ADGRL2: variants seen among roughly 807,000 people sequenced by gnomAD.
ADGRL2 encodes the protein adhesion G protein-coupled receptor L2.
ADGRL2 carries 44 observed loss-of-function variants against 157.4 expected under a neutral mutation model. The ratio of observed to expected loss-of-function variants is 0.28; its 90% CI spans 0.22 to 0.36. The LOEUF (loss-of-function observed/expected upper bound fraction) is 0.36. Ranked by LOEUF, ADGRL2 falls within the 10% of genes least tolerant of loss-of-function variation. ADGRL2 has a pLI of 1.00. For missense variants in ADGRL2, 1,510 were observed against 1,768.9 expected (o/e 0.85, Z 2.63); for synonymous variants, 585 against 624.7 (o/e 0.94, Z 0.95).
intron 1 of ADGRL2, among the ~76,000 whole-genome samples, chr1:81,729,313 C>A (rs1287912408): frequency 6.6e-6 from 1 of 151,980 alleles, no homozygotes; most frequent in Non-Finnish European, 1.5e-5. Flanking sequence ...AAACAATTTT[C>A]TAAAGTTTAT....
intron 3 of ADGRL2, among the ~76,000 whole-genome samples, chr1:81,934,445 A>C (rs1015561288): frequency 6.6e-6 from 1 of 151,940 alleles, no homozygotes; most frequent in Non-Finnish European, 1.5e-5. Flanking sequence ...TGGTGGAAAA[A>C]ATCTGGGCAA....
At chr1:81,571,377 ATATGTATATATATGTG>A (rs1163277209) in intron 2 of ADGRL2, among the ~76,000 whole-genome samples, 117 of 147,686 alleles carry the variant, frequency 7.9e-4, no homozygotes, top group African/African-American at 2.8e-3. Flanking sequence ...ATATTTGTAT[ATATGTATATATATGTG>A]TATGTATATA....
At chr1:81,968,892 T>G (rs1201297193) in intron 14 of ADGRL2, among the ~76,000 whole-genome samples, 1 of 152,222 alleles carries the variant, frequency 6.6e-6, no homozygotes, top group Non-Finnish European at 1.5e-5. Flanking sequence ...TCCATGTGTT[T>G]ATGTAGTTAA....
intron 1 of ADGRL2, among the ~76,000 whole-genome samples, chr1:81,818,458 T>C (rs1280708170): frequency 6.6e-6 from 1 of 152,196 alleles, no homozygotes; most frequent in Admixed American, 6.5e-5. Flanking sequence ...CTTCTGGTAC[T>C]GAGTTTGCCA....
At chr1:81,539,370 A>G (rs1296655536) in intron 2 of ADGRL2, among the ~76,000 whole-genome samples, 4 of 152,230 alleles carry the variant, frequency 2.6e-5, no homozygotes, top group African/African-American at 9.6e-5. Context: ...TGACAGCTCT[A>G]GAGCTACAAG....
At chr1:81,578,012 G>A (rs1227584503) in intron 2 of ADGRL2, among the ~76,000 whole-genome samples, 1 of 152,124 alleles carries the variant, frequency 6.6e-6, no homozygotes, top group Non-Finnish European at 1.5e-5. Context: ...TGTTTTACAT[G>A]AATTCCAAAG....
intron 2 of ADGRL2, among the ~76,000 whole-genome samples, chr1:81,534,163 T>G (rs962824356): frequency 5.9e-5 from 9 of 152,314 alleles, no homozygotes; most frequent in Middle Eastern, 3.4e-3. Context: ...TATTTACTAT[T>G]TATTTTTTAT....
At chr1:81,335,081 C>T (rs1392049368) in intron 1 of ADGRL2, among the ~76,000 whole-genome samples, 1 of 152,056 alleles carries the variant, frequency 6.6e-6, no homozygotes, top group Non-Finnish European at 1.5e-5. Flanking sequence ...GTAACTTGCC[C>T]AAGGTTGTAT....
intron 1 of ADGRL2, among the ~76,000 whole-genome samples, chr1:81,739,139 C>T (rs1340951134): frequency 6.6e-6 from 1 of 152,142 alleles, no homozygotes; most frequent in Non-Finnish European, 1.5e-5. Context: ...CAAAACAAAA[C>T]CACAACTTTA....
intron 2 of ADGRL2, among the ~76,000 whole-genome samples, chr1:81,766,222 G>A (rs189952775): frequency 6.6e-6 from 1 of 152,134 alleles, no homozygotes; most frequent in African/African-American, 2.4e-5. Flanking sequence ...TAATGGTCTT[G>A]CTTTTAAAGC....
At chr1:81,323,485 TCAAA>T (rs1462256255) in intron 1 of ADGRL2, among the ~76,000 whole-genome samples, 1 of 146,462 alleles carries the variant, frequency 6.8e-6, no homozygotes, top group East Asian at 2.0e-4. Context: ...ACTCCTGGAC[TCAAA>T]CAATCCTCCT....
chr1:81,693,318 A>G (rs892154445), intron 3 of ADGRL2, among the ~76,000 whole-genome samples: 3 of 152,192 alleles, frequency 2.0e-5, no homozygotes, highest in African/African-American at 7.2e-5. Context: ...TGCTCTCTGC[A>G]GCTGTCTCAG....
At chr1:81,338,447 C>T (rs918789550) in intron 1 of ADGRL2, among the ~76,000 whole-genome samples, 19 of 152,034 alleles carry the variant, frequency 1.2e-4, no homozygotes, top group Admixed American at 1.2e-3. Flanking sequence ...GGTATCTAGT[C>T]TGGCTCAGGC....
At chr1:81,386,876 T>C (rs1161914927) in intron 1 of ADGRL2, among the ~76,000 whole-genome samples, 1 of 152,122 alleles carries the variant, frequency 6.6e-6, no homozygotes, top group Non-Finnish European at 1.5e-5. Context: ...AGTTCAAAAG[T>C]ATTTCTCTCT....
At chr1:81,591,174 T>A (rs1406159106) in intron 3 of ADGRL2, among the ~76,000 whole-genome samples, 1 of 152,202 alleles carries the variant, frequency 6.6e-6, no homozygotes, top group African/African-American at 2.4e-5. Context: ...ATAGTCTTCA[T>A]GAAAGAAGCT....
At chr1:81,757,481 C>T (rs888850573) in intron 1 of ADGRL2, among the ~76,000 whole-genome samples, 6 of 152,164 alleles carry the variant, frequency 3.9e-5, no homozygotes, top group Non-Finnish European at 5.9e-5. Flanking sequence ...ATTTCAGCCA[C>T]TCATAGACTG....
intron 2 of ADGRL2, among the ~76,000 whole-genome samples, chr1:81,531,083 CAA>C (rs66485040): frequency 1.5e-3 from 180 of 119,964 alleles, no homozygotes; most frequent in Non-Finnish European, 1.6e-3. Context: ...GACTCTGTTT[CAA>C]AAAAAAAAAA....
At chr1:81,949,606 C>T (rs1278833857) in intron 6 of ADGRL2, among the ~76,000 whole-genome samples, 2 of 152,164 alleles carry the variant, frequency 1.3e-5, no homozygotes, top group Admixed American at 1.3e-4. Context: ...CTTAATAAAA[C>T]AGCGCAAGCA....
intron 2 of ADGRL2, among the ~76,000 whole-genome samples, chr1:81,840,429 C>T (rs747122532): frequency 3.3e-5 from 5 of 151,826 alleles, no homozygotes; most frequent in Admixed American, 1.3e-4. Flanking sequence ...TGCTTTACAT[C>T]GGTACATAAT....
Sources: allele counts gnomAD v4.1 joint callset (sites outside exome capture counted in the v4.1 genomes callset), GRCh38; gene constraint gnomAD v4.1.1; transcripts MANE v1.5; gene names NCBI Gene and HGNC (gene_info 2026-07-23, HGNC 2026-07-21).